FMO2: variants seen among roughly 807,000 people sequenced by gnomAD.
The protein encoded by FMO2 is flavin-containing monooxygenase 2.
FMO2 carries 33 observed loss-of-function variants against 41.6 expected under a neutral mutation model. That is an observed-to-expected ratio of 0.79 (90% CI 0.60 to 1.06). The LOEUF (loss-of-function observed/expected upper bound fraction) is 1.06, where lower values mean the gene tolerates loss of function less well. FMO2 is among the 50% of genes least tolerant of loss of function. The pLI is 0.00. For synonymous variants in FMO2, 214 were observed against 219.6 expected, an observed-to-expected ratio of 0.97 and a Z score of 0.23; for missense variants, 619 against 632.9, an observed-to-expected ratio of 0.98 and a Z score of 0.23.
chr1:171,207,413 C>A, intron 7 of FMO2: 1 of 261,734 alleles, frequency 3.8e-6, no homozygotes, highest in Non-Finnish European at 7.2e-6. Context: ...TGATTTGGGG[C>A]CTCCTGTCAC....
chr1:171,208,226 G>T (rs1658843872), intron 8 of FMO2, among the ~76,000 whole-genome samples: 1 of 152,134 alleles, frequency 6.6e-6, no homozygotes, highest in South Asian at 2.1e-4. Flanking sequence ...TGGTGTGAAG[G>T]TTCAAGGATT....
chr1:171,188,819 A>G (rs886424665), intron 2 of FMO2: 1 of 152,222 alleles, frequency 6.6e-6, no homozygotes, highest in Admixed American at 6.5e-5. Flanking sequence ...AACCCAGACA[A>G]TAGAGTTCTT....
In FMO2 at chr1:171,189,654, C is replaced by CTTT. The variant is rs199536748; in HGVS notation, c.133-3679_133-3677dup. On this transcript the variant is annotated intron_variant, in intron 2 of 8. Coordinates refer to ENST00000209929, the MANE Select transcript of FMO2 (RefSeq NM_001460.5). ...ACAGAAATCTGAGCCCGTCTTTTTTCTTTTCTTTTTTTTTTTTTTTTTGAG... is the reference window on the plus strand; with the variant it reads ...ACAGAAATCTGAGCCCGTCTTTTTTCTTTTTTTCTTTTTTTTTTTTTTTTTGAG... Among the ~76,000 whole-genome samples, 196 of 122,742 alleles carry CTTT rather than the reference C, an allele frequency of 1.6e-3. 16 individuals are homozygous for CTTT. The highest frequency in any genetic ancestry group is 4.8e-3 in the African/African-American group (146 of 30,142). The allele number at this position is 122,742 out of a possible 152,430, so 80.5% of individuals were successfully genotyped here. A position where few individuals can be genotyped will look rare whatever the true frequency, so the allele number is the denominator to read the frequency against.
In FMO2 at chr1:171,199,383, C is replaced by A; in HGVS notation, c.522C>A (p.Arg174=). The A allele has an allele frequency of 6.2e-7, 1 of 1,610,882 alleles. No individual in the cohort carries two copies. Among genetic ancestry groups the A allele is most frequent in the Non-Finnish European group, 8.5e-7 (1 of 1,178,670 alleles). Residue 174 remains arginine, a synonymous_variant, in exon 5 of 9, where the codon CGC becomes CGA. Transcript: ENST00000209929. Reference sequence around the variant, plus strand: ...TCAAAGGCCAATATTTCCATAGCCGCCAATACAAGCATCCAGATGGATTTG... The same window carrying A: ...TCAAAGGCCAATATTTCCATAGCCGACAATACAAGCATCCAGATGGATTTG... ...ERFKGQYFHS[R]QYKHPDGFEG...
intron 5 of FMO2, among the ~76,000 whole-genome samples, chr1:171,203,231 G>T (rs1658606239): frequency 1.3e-5 from 2 of 151,826 alleles, no homozygotes; most frequent in Admixed American, 6.6e-5. Flanking sequence ...ATACTGAGGT[G>T]GGAGGATCAC....
rs976511850 is a variant in FMO2 at position 171,200,879 on chromosome 1, G to C, written c.627+1391G>C. ...GCTAGGAATACCCGCAAAGCCTTAG[G>C]AACAGTGTGTAATGGGGCAGTATGT... On this transcript the variant is annotated intron_variant, in intron 5 of 8. Transcript: ENST00000209929. Among the ~76,000 whole-genome samples, 11 of 152,164 alleles carry C rather than the reference G, an allele frequency of 7.2e-5. 1 individual carries two copies. In the East Asian group the frequency reaches 1.9e-3, roughly 27 times the overall value.
At chr1:171,207,938 G>A in intron 8 of FMO2, 148 bp downstream of exon 8, 1 of 608,292 alleles carries the variant, frequency 1.6e-6, no homozygotes, top group Non-Finnish European at 2.9e-6. Context: ...CGTGTGTGAG[G>A]CTAAAAAGTT....
At chr1:171,201,804 G>A (rs568937525) in intron 5 of FMO2, among the ~76,000 whole-genome samples, 1 of 148,132 alleles carries the variant, frequency 6.8e-6, no homozygotes, top group Non-Finnish European at 1.5e-5. Context: ...ACCTCTTTAC[G>A]AGGCTGCAGG....
In FMO2 at chr1:171,203,948, C is replaced by A. The variant is rs1420762304; in HGVS notation, c.711C>A (p.Thr237=). The A allele has an allele frequency of 2.5e-6, 4 of 1,613,672 alleles. No individual in the cohort carries two copies. Among genetic ancestry groups the A allele is most frequent in the Non-Finnish European group, 3.4e-6 (4 of 1,179,766 alleles). The change falls in exon 6 of 9, where the codon ACC becomes ACA. Residue 237 remains threonine, a synonymous_variant. Transcript: ENST00000209929. Reference sequence around the variant, plus strand: ...ATCCTTGGGACTCAGTGTTCCACACCCGGTTTCGTTCTATGCTCCGCAATG... The same window carrying A: ...ATCCTTGGGACTCAGTGTTCCACACACGGTTTCGTTCTATGCTCCGCAATG... The part of the protein sequence containing the change: ...DGYPWDSVFH[T]RFRSMLRNVL...
chr1:171,205,575 T>C lies in FMO2; in HGVS notation c.1124T>C (p.Leu375Pro). 4 of 1,613,300 alleles carry C rather than the reference T, an allele frequency of 2.5e-6. No homozygotes were observed. The highest frequency in any genetic ancestry group is 1.1e-5 in the South Asian group (1 of 90,940). Residue 375 changes from leucine (L) to proline (P), a missense_variant, in exon 7 of 9, where the codon CTA (leucine) becomes CCA (proline). Physicochemically the swap from Leu to Pro is moderately conservative, Grantham distance 98. Coordinates refer to ENST00000209929, the MANE Select transcript of FMO2 (RefSeq NM_001460.5). ...TLACIGLIQPLGSIFPTAELQ... is the reference protein window; with the variant it reads ...TLACIGLIQPPGSIFPTAELQ... Reference sequence around the variant, plus strand: ...GCGTGCATTGGTCTCATCCAGCCCCTAGGTTCCATTTTCCCAACTGCTGAA... The same window carrying C: ...GCGTGCATTGGTCTCATCCAGCCCCCAGGTTCCATTTTCCCAACTGCTGAA...
At chr1:171,207,642 T>C in intron 7 of FMO2, 76 bp from the exon 8 acceptor site, 1 of 1,048,818 alleles carries the variant, frequency 9.5e-7, no homozygotes, top group Non-Finnish European at 1.5e-6. Flanking sequence ...CAGAGTTTAA[T>C]TTTAAGAATC....
Position 171,208,969 on chromosome 1 carries a change from C to T in FMO2, c.1432C>T (p.Pro478Ser). 6.2e-7 allele frequency: 1 copy of T among 1,607,552 alleles called. No individual in the cohort carries two copies. Among genetic ancestry groups the T allele is most frequent in the Non-Finnish European group, 8.5e-7 (1 of 1,176,500 alleles). ...CTCCTATCAGTATCGCCTGGTTGGG[C>T]CTGGGCAATGGGAAGGAGCCAGAAA... ...CNSYQYRLVG[P>S]GQWEGARNAI... Residue 478 changes from proline (P) to serine (S), a missense_variant, in exon 9 of 9, where the codon CCT (proline) becomes TCT (serine). Pro to Ser is a moderately conservative substitution (Grantham distance 74). Transcript: ENST00000209929.
chr1:171,205,798 GAATAACA>G (rs759815244), intron 7 of FMO2, among the ~76,000 whole-genome samples, 164 bp downstream of exon 7: 2 of 152,118 alleles, frequency 1.3e-5, no homozygotes, highest in Non-Finnish European at 2.9e-5. Flanking sequence ...AGAATTCAAA[GAATAACA>G]AATACAGGAA....
At chr1:171,194,039 C>A (rs1358113620) in intron 3 of FMO2, among the ~76,000 whole-genome samples, 1 of 152,210 alleles carries the variant, frequency 6.6e-6, no homozygotes, top group Non-Finnish European at 1.5e-5. Flanking sequence ...CTCGGCCCCC[C>A]AAAGTGCTGG....
rs540423629 is a variant in FMO2 at position 171,207,008 on chromosome 1, C to T, written c.1184-710C>T. ...ATTGGAAACCAGGTGGACAGTAGTG[C>T]TGTGAATACAGAGGGGGTGTGCAGA... On this transcript the variant is annotated intron_variant, in intron 7 of 8. Transcript: ENST00000209929. 3.3e-5 allele frequency among the ~76,000 whole-genome samples: 5 copies of T among 152,264 alleles called. 1 individual carries two copies. The highest frequency in any genetic ancestry group is 1.2e-4 in the African/African-American group (5 of 41,544).
In FMO2 at chr1:171,205,342, C is replaced by CA. The variant is rs576132694; in HGVS notation, c.893dup (p.Val299GlyfsTer16). The CA allele has an allele frequency of 7.9e-4, 1,276 of 1,613,798 alleles. 1 individual carries two copies. The highest frequency in any genetic ancestry group is 2.6e-3 in the Middle Eastern group (16 of 6,052). ...CAAGTCGTCTACTCTGTGGAGCCATCAAGGTGAAATCTACAGTGAAAGAGC... is the reference window on the plus strand; with the variant it reads ...CAAGTCGTCTACTCTGTGGAGCCATCAAAGGTGAAATCTACAGTGAAAGAGC... On this transcript the variant is annotated frameshift_variant, in exon 7 of 9. Coordinates refer to ENST00000209929, the MANE Select transcript of FMO2 (RefSeq NM_001460.5). LOFTEE classifies it high-confidence loss of function.
chr1:171,198,387 T>C (rs1658384555), intron 4 of FMO2, among the ~76,000 whole-genome samples: 1 of 151,644 alleles, frequency 6.6e-6, no homozygotes. Context: ...GCTTAAGAAA[T>C]ATTTAAGAGT....
rs763537706 is a variant in FMO2 at position 171,196,700 on chromosome 1, T to G, written c.373T>G (p.Trp125Gly). The part of the protein sequence containing the change: ...KCPDFSSSGQ[W>G]KVVTQSNGKE... ...TCCAGATTTCTCATCCTCTGGCCAA[T>G]GGAAGGTTGTCACTCAGAGCAACGG... Residue 125 changes from tryptophan (W) to glycine (G), a missense_variant, in exon 4 of 9, where the codon TGG (tryptophan) becomes GGG (glycine). Physicochemically the swap from Trp to Gly is radical, Grantham distance 184 (BLOSUM62 -2). Transcript: ENST00000209929. 1.2e-6 allele frequency: 2 copies of G among 1,613,416 alleles called. No individual in the cohort carries two copies. Among genetic ancestry groups the G allele is most frequent in the African/African-American group, 2.7e-5 (2 of 74,910 alleles).
intron 2 of FMO2, chr1:171,188,829 T>G (rs1464232916): frequency 1.3e-5 from 2 of 152,162 alleles, no homozygotes; most frequent in Non-Finnish European, 2.9e-5. Flanking sequence ...ATAGAGTTCT[T>G]CCAGACTCTC....
Sources: allele counts gnomAD v4.1 joint callset (sites outside exome capture counted in the v4.1 genomes callset), GRCh38; gene constraint gnomAD v4.1.1; transcripts MANE v1.5; gene names NCBI Gene and HGNC (gene_info 2026-07-23, HGNC 2026-07-21).